The following PCLAF variants were observed in gnomAD, a reference collection of about 807,000 sequenced individuals.
PCLAF encodes the protein PCNA-associated factor.
Under a neutral mutation model 15.1 loss-of-function variants are expected in PCLAF, and 12 were observed. The observed-to-expected ratio is 0.79, with a 90% CI of 0.51 to 1.29. PCLAF has a LOEUF of 1.29. Ranked by LOEUF, PCLAF falls within the 50% of genes most tolerant of loss-of-function variation. The pLI, the probability that PCLAF is intolerant of heterozygous loss-of-function variation, is 0.00. For synonymous variants in PCLAF, 33 were observed against 47.1 expected (o/e 0.70, Z 1.22); for missense variants, 116 against 130.9 (o/e 0.89, Z 0.56).
chr15:64,385,634 A>T (rs1308151465), upstream of PCLAF, among the ~76,000 whole-genome samples: 1 of 151,952 alleles, frequency 6.6e-6, no homozygotes, highest in Non-Finnish European at 1.5e-5. Context: ...CAAAAAAAGA[A>T]AAAGAAAAAA....
upstream of PCLAF, among the ~76,000 whole-genome samples, chr15:64,384,995 C>T (rs554800129): frequency 2.1e-4 from 32 of 152,108 alleles, no homozygotes; most frequent in African/African-American, 7.7e-4. Context: ...GCCTCCTGAG[C>T]TCAGGTGATC....
intron 1 of PCLAF, chr15:64,387,328 G>T (rs1432326331): frequency 4.3e-6 from 2 of 468,812 alleles, no homozygotes; most frequent in Non-Finnish European, 5.8e-6. Context: ...CTTGCAGTGA[G>T]CCGAGATCAT....
chr15:64,380,896 G>T, intron 2 of PCLAF, 62 bp downstream of exon 2: 1 of 1,391,904 alleles, frequency 7.2e-7, no homozygotes, highest in Non-Finnish European at 1.0e-6. Flanking sequence ...AGAAATTCAT[G>T]GCAAGCCAGG....
chr15:64,385,509 C>T (rs2140537558), upstream of PCLAF, among the ~76,000 whole-genome samples: 1 of 152,106 alleles, frequency 6.6e-6, no homozygotes, highest in South Asian at 2.1e-4. Flanking sequence ...CCTGTAATCC[C>T]AGCTACTCGG....
At chr15:64,381,874 T>TA (rs1263581947), upstream of PCLAF, among the ~76,000 whole-genome samples, 4 of 152,354 alleles carry the variant, frequency 2.6e-5, no homozygotes, top group East Asian at 7.7e-4. Flanking sequence ...AACTTTCCTT[T>TA]AGTCCCCCAG....
intron 3 of PCLAF, among the ~76,000 whole-genome samples, chr15:64,372,172 T>TA: frequency 6.6e-6 from 1 of 152,350 alleles, no homozygotes; most frequent in South Asian, 2.1e-4. Context: ...GTATCGTAAC[T>TA]AAATCTGGCA....
At chr15:64,385,841 G>T (rs1448926385), upstream of PCLAF, among the ~76,000 whole-genome samples, 2 of 152,034 alleles carry the variant, frequency 1.3e-5, no homozygotes, top group African/African-American at 4.8e-5. Flanking sequence ...TCTTCCTTCT[G>T]GAGCTGAGAC....
At chr15:64,375,339 G>T (rs1372144617) in intron 3 of PCLAF, among the ~76,000 whole-genome samples, 1 of 151,910 alleles carries the variant, frequency 6.6e-6, no homozygotes, top group Non-Finnish European at 1.5e-5. Flanking sequence ...TTGCAGGATG[G>T]TCTCGATCTC....
chr15:64,373,746 G>A lies in PCLAF; in HGVS notation c.290+2997C>T. 3.3e-6 allele frequency: 5 copies of A among 1,535,904 alleles called. No homozygotes were observed. In the African/African-American group the frequency reaches 5.5e-5, roughly 17 times the overall value. ...GTCCAGCTTGCTGCTCAGTGTGCTG[G>A]AGGATGGGTGGCTCCTGGCTGGTGC... On this transcript the variant is annotated intron_variant, in intron 3 of 3. Transcript: ENST00000300035.
At chr15:64,367,490 CA>C (rs1289233872) in intron 3 of PCLAF, among the ~76,000 whole-genome samples, 1 of 137,844 alleles carries the variant, frequency 7.3e-6, no homozygotes, top group East Asian at 2.3e-4. Context: ...GCAACAAGAG[CA>C]AAACTCTGTC....
intron 2 of PCLAF, among the ~76,000 whole-genome samples, chr15:64,377,342 C>T (rs1899633521): frequency 6.7e-6 from 1 of 149,782 alleles, no homozygotes; most frequent in Admixed American, 6.7e-5. Flanking sequence ...CGGCACGTGC[C>T]TGTATTCCCA....
intron 3 of PCLAF, among the ~76,000 whole-genome samples, chr15:64,375,594 T>C (rs1899576425): frequency 6.6e-6 from 1 of 152,054 alleles, no homozygotes; most frequent in Non-Finnish European, 1.5e-5. Context: ...GGTTTCACCA[T>C]GTTGCCCAGG....
chr15:64,375,745 T>C (rs1899582397), intron 3 of PCLAF, among the ~76,000 whole-genome samples: 1 of 152,104 alleles, frequency 6.6e-6, no homozygotes, highest in Admixed American at 6.6e-5. Context: ...AGGGACAGGA[T>C]TAATGGAATT....
chr15:64,373,698 C>G, intron 3 of PCLAF: 2 of 1,535,304 alleles, frequency 1.3e-6, no homozygotes, highest in Non-Finnish European at 8.7e-7. Flanking sequence ...ATCCCCTTAC[C>G]CATTTGGATC....
chr15:64,365,724 T>C lies in PCLAF; in HGVS notation c.*306A>G, dbSNP rs930947517. 3.3e-6 allele frequency: 1 copy of C among 305,886 alleles called. No individual in the cohort carries two copies. Among genetic ancestry groups the C allele is most frequent in the Non-Finnish European group, 6.0e-6 (1 of 166,280 alleles). The allele number at this position is 305,886 out of a possible 1,614,324, so 18.9% of individuals were successfully genotyped here. ...GCAGCAGTACAACAATCTAAGCAAATCTCAAATACAACATACTTGTAATTA... is the reference window on the plus strand; with the variant it reads ...GCAGCAGTACAACAATCTAAGCAAACCTCAAATACAACATACTTGTAATTA... On this transcript the variant is annotated 3_prime_UTR_variant, in exon 4 of 4. Transcript: ENST00000300035.
At chr15:64,386,495 C>G (rs1899940089) in intron 1 of PCLAF, among the ~76,000 whole-genome samples, 2 of 151,896 alleles carry the variant, frequency 1.3e-5, no homozygotes, top group East Asian at 3.9e-4. Context: ...TAATTTTTTT[C>G]ATTTTTGTAG....
At chr15:64,381,849 T>C (rs1899832072), upstream of PCLAF, among the ~76,000 whole-genome samples, 1 of 152,206 alleles carries the variant, frequency 6.6e-6, no homozygotes, top group Non-Finnish European at 1.5e-5. Context: ...CAAATCAAAA[T>C]TAAAAGAACT....
At chr15:64,383,182 G>C (rs1309588824), upstream of PCLAF, among the ~76,000 whole-genome samples, 1 of 152,144 alleles carries the variant, frequency 6.6e-6, no homozygotes, top group Non-Finnish European at 1.5e-5. Context: ...ACAGATTTAA[G>C]GAATCTAGGC....
At chr15:64,375,472 G>A (rs1056833321) in intron 3 of PCLAF, among the ~76,000 whole-genome samples, 4 of 151,940 alleles carry the variant, frequency 2.6e-5, no homozygotes, top group Non-Finnish European at 5.9e-5. Context: ...GTACAGTGGC[G>A]GGATCTCGGC....
Sources: gnomAD v4.1 joint callset for allele counts (sites outside exome capture counted in the v4.1 genomes callset) on GRCh38, gnomAD v4.1.1 for gene constraint, MANE v1.5 for transcripts, NCBI Gene and HGNC (gene_info 2026-07-23, HGNC 2026-07-21) for gene names.